The following RBFOX1 variants were observed in gnomAD, a reference collection of about 807,000 sequenced individuals.
RBFOX1 encodes RNA binding fox-1 homolog 1.
RBFOX1 carries 8 observed loss-of-function variants against 57.7 expected under a neutral mutation model. That is an observed-to-expected ratio of 0.14 (90% CI 0.08 to 0.25). The LOEUF is 0.25. RBFOX1 is among the 10% of genes least tolerant of loss of function. The probability of loss-of-function intolerance (pLI) is 1.00; values close to 1 mark genes in which losing one functional copy is unlikely to be tolerated. For synonymous variants in RBFOX1, 326 were observed against 222.4 expected (o/e 1.47, Z -4.15); for missense variants, 611 against 548.5 (o/e 1.11, Z -1.14).
intron 1 of RBFOX1, among the ~76,000 whole-genome samples, chr16:6,063,342 T>A (rs533813369): frequency 6.6e-6 from 1 of 152,102 alleles, no homozygotes; most frequent in South Asian, 2.1e-4. Context: ...AACAGGGAAA[T>A]CAATATGGGT....
intron 2 of RBFOX1, among the ~76,000 whole-genome samples, chr16:5,514,740 G>T (rs2043728513): frequency 6.6e-6 from 1 of 152,082 alleles, no homozygotes; most frequent in Non-Finnish European, 1.5e-5. Context: ...AGGAGGAGGA[G>T]GGAAGGAGGA....
chr16:7,164,622 T>G (rs1169800168), intron 4 of RBFOX1, among the ~76,000 whole-genome samples: 3 of 152,242 alleles, frequency 2.0e-5, no homozygotes, highest in Non-Finnish European at 2.9e-5. Context: ...ACGTGTAATT[T>G]CTTTTCTGTG....
chr16:6,762,544 T>G (rs1378374055), intron 3 of RBFOX1, among the ~76,000 whole-genome samples: 1 of 152,204 alleles, frequency 6.6e-6, no homozygotes, highest in South Asian at 2.1e-4. Flanking sequence ...ACGGTCGTTA[T>G]GTTCAAAGGT....
intron 4 of RBFOX1, among the ~76,000 whole-genome samples, chr16:7,180,390 C>A (rs1786747787): frequency 6.6e-6 from 1 of 152,270 alleles, no homozygotes; most frequent in Admixed American, 6.5e-5. Context: ...CTCTGGAAGT[C>A]TGACTCCTAA....
chr16:7,108,609 T>A (rs1236599337), intron 4 of RBFOX1, among the ~76,000 whole-genome samples: 1 of 152,164 alleles, frequency 6.6e-6, no homozygotes, highest in South Asian at 2.1e-4. Context: ...GTTAGAGATA[T>A]GATTAATTGC....
At chr16:7,256,550 C>G (rs1404524998) in intron 4 of RBFOX1, among the ~76,000 whole-genome samples, 1 of 152,152 alleles carries the variant, frequency 6.6e-6, no homozygotes, top group East Asian at 1.9e-4. Context: ...CACACATACA[C>G]TGTATGTCTG....
intron 4 of RBFOX1, among the ~76,000 whole-genome samples, chr16:5,920,061 G>T (rs2058788136): frequency 6.6e-6 from 1 of 152,182 alleles, no homozygotes; most frequent in South Asian, 2.1e-4. Flanking sequence ...AGCCTCCCGA[G>T]TAGCGGGGAC....
intron 4 of RBFOX1, among the ~76,000 whole-genome samples, chr16:7,206,312 G>T (rs917036645): frequency 6.6e-6 from 1 of 152,006 alleles, no homozygotes; most frequent in South Asian, 2.1e-4. Flanking sequence ...TTTTCAGGTT[G>T]TGTACCATGC....
intron 3 of RBFOX1, among the ~76,000 whole-genome samples, chr16:6,727,462 C>T (rs2067505185): frequency 6.6e-6 from 1 of 151,846 alleles, no homozygotes; most frequent in East Asian, 1.9e-4. Flanking sequence ...CTTCCACCTA[C>T]ACCAGATGAA....
chr16:6,193,073 AC>A (rs2152812852), intron 1 of RBFOX1, among the ~76,000 whole-genome samples: 1 of 151,972 alleles, frequency 6.6e-6, no homozygotes, highest in East Asian at 1.9e-4. Flanking sequence ...TTTGTGACGT[AC>A]CTCCCGAAGA....
At chr16:6,177,922 T>TAAAA (rs57642754) in intron 1 of RBFOX1, among the ~76,000 whole-genome samples, 45,761 of 139,580 alleles carry the variant, frequency 0.33, 8,242 homozygotes, top group Middle Eastern at 0.51. Context: ...TCAGTGGGGG[T>TAAAA]AAAAAAAAAA....
At chr16:7,046,278 T>G (rs556879430) in intron 3 of RBFOX1, among the ~76,000 whole-genome samples, 1 of 147,950 alleles carries the variant, frequency 6.8e-6, no homozygotes, top group Admixed American at 6.9e-5. Context: ...ACACATCCAG[T>G]TACTCTATCA....
intron 3 of RBFOX1, among the ~76,000 whole-genome samples, chr16:5,646,791 C>T (rs538913687): frequency 3.3e-5 from 5 of 152,034 alleles, no homozygotes; most frequent in East Asian, 1.9e-4. Context: ...CCCATCACCA[C>T]GCTTGGCTAA....
intron 4 of RBFOX1, among the ~76,000 whole-genome samples, chr16:5,897,016 C>CTTTTTTTTTTTTTTTTGTTTTTT (rs2058182464): frequency 1.8e-5 from 1 of 56,460 alleles, no homozygotes; most frequent in Admixed American, 3.0e-4. Flanking sequence ...TATCCATCCG[C>CTTTTTTTTTTTTTTTTGTTTTTT]TTTTTTTTTT....
At chr16:6,818,711 A>G (rs1241277397) in intron 3 of RBFOX1, among the ~76,000 whole-genome samples, 3 of 151,812 alleles carry the variant, frequency 2.0e-5, no homozygotes, top group African/African-American at 2.4e-5. Flanking sequence ...CCTCTCTTCC[A>G]CCCTCAGTCT....
intron 3 of RBFOX1, among the ~76,000 whole-genome samples, chr16:5,674,632 A>C (rs1407171118): frequency 6.6e-6 from 1 of 152,208 alleles, no homozygotes; most frequent in African/African-American, 2.4e-5. Flanking sequence ...TGCCAAAGTT[A>C]TTGTGGGTTT....
At chr16:7,442,758 T>C (rs2098778675) in intron 4 of RBFOX1, among the ~76,000 whole-genome samples, 1 of 152,170 alleles carries the variant, frequency 6.6e-6, no homozygotes, top group Non-Finnish European at 1.5e-5. Flanking sequence ...TGGTTGCTAA[T>C]AGAAACCATG....
At chr16:5,402,307 A>G (rs1384662922) in intron 1 of RBFOX1, among the ~76,000 whole-genome samples, 4 of 152,132 alleles carry the variant, frequency 2.6e-5, no homozygotes. Flanking sequence ...GGTGCTCCCC[A>G]TTGCCTAGGT....
chr16:5,830,159 G>A (rs1220369217), intron 3 of RBFOX1, among the ~76,000 whole-genome samples: 3 of 152,070 alleles, frequency 2.0e-5, no homozygotes, highest in African/African-American at 7.2e-5. Context: ...GGCAGCTCAG[G>A]GTCTGATATT....
Sources: gnomAD v4.1 joint callset for allele counts (sites outside exome capture counted in the v4.1 genomes callset) on GRCh38, gnomAD v4.1.1 for gene constraint, MANE v1.5 for transcripts, NCBI Gene and HGNC (gene_info 2026-07-23, HGNC 2026-07-21) for gene names.